The following SUMF1 variants were observed in gnomAD, a reference collection of about 807,000 sequenced individuals.
SUMF1 encodes the protein sulfatase modifying factor 1.
In SUMF1, 48 loss-of-function variants were observed where a neutral mutation model predicts 47.6. The observed-to-expected ratio is 1.01, with a 90% CI of 0.80 to 1.28. The LOEUF is 1.28. SUMF1 is among the 50% of genes most tolerant of loss of function. The pLI is 0.00. For missense variants in SUMF1, 571 were observed against 485.4 expected (o/e 1.18, Z -1.66); for synonymous variants, 230 against 192.1 (o/e 1.20, Z -1.63).
At chr3:4,214,969 C>G (rs1695885701) in intron 8 of SUMF1, among the ~76,000 whole-genome samples, 1 of 152,066 alleles carries the variant, frequency 6.6e-6, no homozygotes, top group African/African-American at 2.4e-5. Flanking sequence ...ATCAGAGGTA[C>G]AAAGAGGAGC....
chr3:4,276,080 G>T (rs6796121), intron 8 of SUMF1, among the ~76,000 whole-genome samples: 63,296 of 151,544 alleles, frequency 0.42, 13,558 homozygotes, highest in African/African-American at 0.47. Context: ...TCAAGCACAA[G>T]ACATTAATTT....
chr3:4,061,543 T>C (rs1397985562), intron 9 of SUMF1, among the ~76,000 whole-genome samples: 1 of 152,128 alleles, frequency 6.6e-6, no homozygotes. Flanking sequence ...TGATCTCCCA[T>C]CTCCTCAGCT....
At chr3:4,074,497 G>C (rs1457821902) in intron 8 of SUMF1, among the ~76,000 whole-genome samples, 1 of 151,806 alleles carries the variant, frequency 6.6e-6, no homozygotes, top group East Asian at 1.9e-4. Flanking sequence ...CTCAGAGCAG[G>C]ACTAAAGGAG....
At chr3:4,049,505 C>T (rs1381462516) in intron 9 of SUMF1, among the ~76,000 whole-genome samples, 1 of 152,092 alleles carries the variant, frequency 6.6e-6, no homozygotes, top group East Asian at 1.9e-4. Flanking sequence ...CCTTGCTGAA[C>T]GTGAGACAGG....
At chr3:4,107,998 A>T (rs1693197486) in intron 8 of SUMF1, among the ~76,000 whole-genome samples, 1 of 152,100 alleles carries the variant, frequency 6.6e-6, no homozygotes, top group Admixed American at 6.5e-5. Context: ...AACTAGAAAA[A>T]ACAATTTCTG....
In SUMF1 at chr3:4,179,928, A is replaced by C. The variant is rs539250124; in HGVS notation, c.1015-111183T>G. Reference sequence around the variant, plus strand: ...CAAAAGAAGACATCTATGCAGCCAAAAGACACATGAAAAAATTCACATCAT... The same window carrying C: ...CAAAAGAAGACATCTATGCAGCCAACAGACACATGAAAAAATTCACATCAT... On this transcript the variant is annotated intron_variant and NMD_transcript_variant, in intron 8 of 12. Transcript: ENST00000448413. Among the ~76,000 whole-genome samples the C allele has an allele frequency of 2.0e-5, 3 of 152,324 alleles. No individual in the cohort carries two copies. The East Asian group carries it at 5.8e-4, about 29-fold the overall frequency.
intron 7 of SUMF1, among the ~76,000 whole-genome samples, chr3:4,387,120 G>C (rs1037773920): frequency 6.6e-6 from 1 of 151,960 alleles, no homozygotes; most frequent in African/African-American, 2.4e-5. Context: ...AAAATGATTA[G>C]AAAGTGTTCC....
intron 7 of SUMF1, among the ~76,000 whole-genome samples, chr3:4,394,346 C>T (rs1403368317): frequency 3.3e-5 from 5 of 151,898 alleles, no homozygotes; most frequent in East Asian, 3.9e-4. Flanking sequence ...TGGGTAAAGA[C>T]GGTGTTTCAC....
intron 8 of SUMF1, among the ~76,000 whole-genome samples, chr3:4,092,412 T>C (rs1174185778): frequency 6.6e-6 from 1 of 152,128 alleles, no homozygotes; most frequent in Non-Finnish European, 1.5e-5. Context: ...GTGAATTTCA[T>C]GACTTCAAAG....
At position 4,420,397 on chromosome 3, in the gene SUMF1, A is replaced by AT. The variant is rs35849841; in HGVS notation, c.520-252dup. On this transcript the variant is annotated intron_variant, in intron 3 of 8. Transcript: ENST00000272902. ...ATTTAAATGGTGTATATCTATAAGA[A>AT]TTTTTTTTTTTTTTTTGAGATGGAG... is the stretch of plus-strand genomic sequence containing the variant. Among the ~76,000 whole-genome samples the AT allele has an allele frequency of 0.58, 81,788 of 140,612 alleles. 25,482 individuals carry two copies. The highest frequency in any genetic ancestry group is 0.69 in the Non-Finnish European group (45,607 of 65,682). The allele number at this position is 140,612 out of a possible 152,430, so 92.2% of individuals were successfully genotyped here. A position where few individuals can be genotyped will look rare whatever the true frequency, so the allele number is the denominator to read the frequency against.
intron 2 of SUMF1, among the ~76,000 whole-genome samples, chr3:4,451,633 C>T (rs1327512775): frequency 6.6e-6 from 1 of 152,164 alleles, no homozygotes; most frequent in Non-Finnish European, 1.5e-5. Flanking sequence ...GAGAGTATCT[C>T]TGTGAAACCA....
chr3:4,456,828 A>G (rs1282738820), intron 1 of SUMF1, among the ~76,000 whole-genome samples: 2 of 148,172 alleles, frequency 1.3e-5, no homozygotes, highest in African/African-American at 5.1e-5. Context: ...GTGTGTATAT[A>G]TACGTGTATA....
chr3:4,290,014 T>C (rs1697709201), intron 8 of SUMF1, among the ~76,000 whole-genome samples: 1 of 152,216 alleles, frequency 6.6e-6, no homozygotes, highest in Non-Finnish European at 1.5e-5. Context: ...TAAGGCATAA[T>C]AGGCAAATCA....
chr3:4,139,769 TA>T (rs35572332), intron 8 of SUMF1, among the ~76,000 whole-genome samples: 4,185 of 148,346 alleles, frequency 0.028, 87 homozygotes, highest in Non-Finnish European at 0.04. Flanking sequence ...GGCTGACAAG[TA>T]AAAAAAAAAT....
intron 7 of SUMF1, among the ~76,000 whole-genome samples, chr3:4,408,003 A>T (rs879854885): frequency 2.6e-5 from 4 of 152,218 alleles, no homozygotes; most frequent in Non-Finnish European, 4.4e-5. Context: ...ATTAAAGCTA[A>T]TCTGAAATAG....
intron 1 of SUMF1, among the ~76,000 whole-genome samples, chr3:4,462,993 T>C (rs866558204): frequency 2.6e-5 from 4 of 152,348 alleles, no homozygotes; most frequent in Middle Eastern, 3.4e-3. Context: ...AGCAAAAGAA[T>C]ACTTTACAAA....
intron 8 of SUMF1, among the ~76,000 whole-genome samples, chr3:4,231,018 A>G (rs1042274682): frequency 6.6e-6 from 1 of 152,200 alleles, no homozygotes; most frequent in African/African-American, 2.4e-5. Flanking sequence ...AGATTTATAG[A>G]AGGGATAAGA....
In SUMF1 at chr3:4,466,853, T is replaced by G. The variant is rs1462341285; in HGVS notation, c.270+123A>C. 1.2e-5 allele frequency: 17 copies of G among 1,407,088 alleles called. No homozygotes were observed. In the East Asian group the frequency reaches 3.0e-4, roughly 25 times the overall value. The allele number at this position is 1,407,088 out of a possible 1,614,324, so 87.2% of individuals were successfully genotyped here. On this transcript the variant is annotated intron_variant, in intron 1 of 8. Transcript: ENST00000272902. ...GAACTCCTCATACGGGAACAGCAGG[T>G]GCTCGATTTGGGGTGTGGTTATAAC...
chr3:4,417,342 G>T, intron 5 of SUMF1, 100 bp from the exon 6 acceptor site: 2 of 882,310 alleles, frequency 2.3e-6, no homozygotes, highest in Non-Finnish European at 3.8e-6. Context: ...TTGCTTGCTT[G>T]TTCTGAGTGA....
Sources: gnomAD v4.1 joint callset for allele counts (sites outside exome capture counted in the v4.1 genomes callset) on GRCh38, gnomAD v4.1.1 for gene constraint, MANE v1.5 for transcripts, NCBI Gene and HGNC (gene_info 2026-07-23, HGNC 2026-07-21) for gene names.